UBE2D3: variants seen among roughly 807,000 people sequenced by gnomAD.
The protein encoded by UBE2D3 is ubiquitin-conjugating enzyme E2 D3.
A neutral mutation model predicts 22.8 loss-of-function variants in UBE2D3; 2 were observed. The ratio of observed to expected loss-of-function variants is 0.09; its 90% CI spans 0.04 to 0.28. The LOEUF is 0.28. Among genes scored for constraint, UBE2D3 ranks in the 10% least tolerant of loss-of-function variants. The probability of loss-of-function intolerance (pLI) is 1.00; values close to 1 mark genes in which losing one functional copy is unlikely to be tolerated. For missense variants in UBE2D3, 27 were observed against 182.5 expected (o/e 0.15, Z 4.91); for synonymous variants, 56 against 60.4 (o/e 0.93, Z 0.34).
At chr4:102,831,440 C>G (rs1424749672), upstream of UBE2D3, among the ~76,000 whole-genome samples, 1 of 152,076 alleles carries the variant, frequency 6.6e-6, no homozygotes, top group Non-Finnish European at 1.5e-5. Context: ...TTTTTCCACA[C>G]AAAAACATAT....
At chr4:102,825,987 ACTT>A (rs1326271026) in intron 2 of UBE2D3, 13 of 296,058 alleles carry the variant, frequency 4.4e-5, no homozygotes, top group South Asian at 1.6e-4. Context: ...AATACGCAAG[ACTT>A]CTTCTACCCG....
At chr4:102,860,388 GT>G (rs1204982837) in intron 1 of UBE2D3, among the ~76,000 whole-genome samples, 1 of 144,642 alleles carries the variant, frequency 6.9e-6, no homozygotes, top group Non-Finnish European at 1.5e-5. Flanking sequence ...TATTCCTTTG[GT>G]TGTCATGTTT....
intron 2 of UBE2D3, chr4:102,825,615 G>A (rs1241942086): frequency 2.4e-6 from 3 of 1,226,710 alleles, no homozygotes; most frequent in South Asian, 1.3e-5. Flanking sequence ...CCAGAGCTCC[G>A]AAAAATCCTA....
intron 1 of UBE2D3, chr4:102,868,634 C>G (rs1733296638): frequency 6.2e-7 from 1 of 1,601,078 alleles, no homozygotes; most frequent in African/African-American, 1.3e-5. Flanking sequence ...GGCGAGTATG[C>G]AACCCTAGGG....
At chr4:102,799,139 T>C (rs1480024839) in intron 7 of UBE2D3, among the ~76,000 whole-genome samples, 1 of 151,942 alleles carries the variant, frequency 6.6e-6, no homozygotes, top group Non-Finnish European at 1.5e-5. Flanking sequence ...AAAATTTGCT[T>C]TCTTCCCCAA....
At chr4:102,838,684 G>A (rs1731559495) in intron 1 of UBE2D3, among the ~76,000 whole-genome samples, 3 of 151,868 alleles carry the variant, frequency 2.0e-5, no homozygotes, top group African/African-American at 7.3e-5. Context: ...GGTAGAGAAA[G>A]GTAAAGTCTG....
intron 1 of UBE2D3, among the ~76,000 whole-genome samples, chr4:102,861,485 A>T (rs1204813878): frequency 6.6e-6 from 1 of 152,078 alleles, no homozygotes; most frequent in Non-Finnish European, 1.5e-5. Flanking sequence ...TATATAAAGT[A>T]ACATTATTAA....
intron 1 of UBE2D3, among the ~76,000 whole-genome samples, chr4:102,865,592 T>C (rs1378391703): frequency 2.0e-5 from 3 of 151,570 alleles, no homozygotes; most frequent in African/African-American, 2.4e-5. Flanking sequence ...AGAAAACATG[T>C]ACCAGTGAAA....
chr4:102,838,046 G>C (rs1309052542), intron 1 of UBE2D3, among the ~76,000 whole-genome samples: 2 of 152,090 alleles, frequency 1.3e-5, no homozygotes, highest in African/African-American at 4.8e-5. Context: ...TGAAACCTGG[G>C]AGGTTGAGGC....
At chr4:102,848,965 G>C (rs1455429846) in intron 1 of UBE2D3, among the ~76,000 whole-genome samples, 2 of 132,758 alleles carry the variant, frequency 1.5e-5, no homozygotes, top group African/African-American at 5.8e-5. Context: ...GTGTGTGTGT[G>C]TCCAACCCAA....
At chr4:102,858,104 C>G (rs1272724874) in intron 1 of UBE2D3, among the ~76,000 whole-genome samples, 1 of 152,024 alleles carries the variant, frequency 6.6e-6, no homozygotes, top group South Asian at 2.1e-4. Flanking sequence ...AGGCAGTGGT[C>G]TGCTCTATAG....
intron 1 of UBE2D3, among the ~76,000 whole-genome samples, chr4:102,853,608 AATAAT>A (rs976169839): frequency 5.3e-5 from 8 of 152,152 alleles, no homozygotes; most frequent in Non-Finnish European, 1.0e-4. Context: ...TAAAATGGAG[AATAAT>A]ATAAATTTGT....
At chr4:102,831,365 T>C (rs1031127455), upstream of UBE2D3, among the ~76,000 whole-genome samples, 6 of 152,238 alleles carry the variant, frequency 3.9e-5, no homozygotes, top group African/African-American at 1.4e-4. Context: ...GATGTCATTT[T>C]GGCCTTAATA....
chr4:102,852,509 TA>T (rs1732410988), intron 1 of UBE2D3, among the ~76,000 whole-genome samples: 2 of 152,262 alleles, frequency 1.3e-5, no homozygotes, highest in Admixed American at 1.3e-4. Flanking sequence ...TATTTTGTTT[TA>T]CAGATTGAGA....
At chr4:102,863,501 T>C (rs564173713) in intron 1 of UBE2D3, among the ~76,000 whole-genome samples, 46 of 152,210 alleles carry the variant, frequency 3.0e-4, no homozygotes, top group African/African-American at 1.1e-3. Flanking sequence ...GGATCAAATT[T>C]CTTTTTCTTT....
At chr4:102,844,730 T>C (rs994741849) in intron 1 of UBE2D3, among the ~76,000 whole-genome samples, 2 of 152,092 alleles carry the variant, frequency 1.3e-5, no homozygotes, top group Non-Finnish European at 1.5e-5. Context: ...TTAAGAATTC[T>C]AGCCAGCCTG....
chr4:102,821,578 T>C (rs1729624148), intron 2 of UBE2D3, among the ~76,000 whole-genome samples: 1 of 150,442 alleles, frequency 6.6e-6, no homozygotes, highest in African/African-American at 2.5e-5. Flanking sequence ...GAAAATGATT[T>C]AGTAAGTCTA....
intron 7 of UBE2D3, among the ~76,000 whole-genome samples, chr4:102,798,743 C>A (rs1425560784): frequency 2.0e-5 from 3 of 151,426 alleles, no homozygotes; most frequent in Non-Finnish European, 1.5e-5. Flanking sequence ...GCAGTACTTT[C>A]AAGCAATAAC....
intron 1 of UBE2D3, among the ~76,000 whole-genome samples, chr4:102,847,325 G>A (rs943901381): frequency 4.0e-5 from 6 of 151,828 alleles, no homozygotes; most frequent in South Asian, 4.2e-4. Context: ...TCACTCCGTC[G>A]CCCAGGCTGG....
Sources: gnomAD v4.1 joint callset for allele counts (sites outside exome capture counted in the v4.1 genomes callset) on GRCh38, gnomAD v4.1.1 for gene constraint, MANE v1.5 for transcripts, NCBI Gene and HGNC (gene_info 2026-07-23, HGNC 2026-07-21) for gene names.